Variants in MED14 observed in about 807,000 individuals in gnomAD.
The protein encoded by MED14 is mediator complex subunit 14.
MED14 carries 8 observed loss-of-function variants against 109.0 expected under a neutral mutation model. That is an observed-to-expected ratio of 0.07 (90% CI 0.04 to 0.13). The LOEUF (loss-of-function observed/expected upper bound fraction) is 0.13. Among genes scored for constraint, MED14 ranks in the 10% least tolerant of loss-of-function variants. MED14 has a pLI of 1.00. For missense variants in MED14, 711 were observed against 1,142.4 expected (o/e 0.62, Z 5.44); for synonymous variants, 399 against 408.7 (o/e 0.98, Z 0.29).
intron 16 of MED14, among the ~76,000 whole-genome samples, chrX:40,683,970 C>T (rs891860626): frequency 9.0e-6 from 1 of 111,696 alleles, no homozygotes; most frequent in African/African-American, 3.3e-5. Context: ...TTTAGCTATT[C>T]ATGAGTTATT....
At chrX:40,734,578 C>T (rs1932186938) in intron 1 of MED14, among the ~76,000 whole-genome samples, 1 of 112,316 alleles carries the variant, frequency 8.9e-6, no homozygotes, top group Non-Finnish European at 1.9e-5. Context: ...TATTCTGATC[C>T]TATTCTGAAG....
chrX:40,656,528 C>G (rs1036213549), intron 28 of MED14, among the ~76,000 whole-genome samples: 1 of 112,192 alleles, frequency 8.9e-6, no homozygotes, highest in African/African-American at 3.2e-5. Flanking sequence ...TTGGCAAAAT[C>G]TACCAAAATT....
At chrX:40,714,425 A>G (rs1931444368) in intron 4 of MED14, 112 bp downstream of exon 4, 2 of 845,436 alleles carry the variant, frequency 2.4e-6, no homozygotes, top group African/African-American at 2.1e-5. Flanking sequence ...AAAGCAAACT[A>G]TATGTACTGT....
chrX:40,671,852 A>G lies in MED14; in HGVS notation c.3133+9T>C. The G allele has an allele frequency of 8.9e-7, 1 of 1,128,227 alleles. No homozygotes were observed. The highest frequency in any genetic ancestry group is 1.2e-6 in the Non-Finnish European group (1 of 830,390). The allele number at this position is 1,128,227 out of a possible 1,213,427, so 93.0% of individuals were successfully genotyped here. ...GTTGAACATGACAAGAGAATAAGTAATATCTTACCTGGAGACTGTGTGTGC... is the reference window on the plus strand; with the variant it reads ...GTTGAACATGACAAGAGAATAAGTAGTATCTTACCTGGAGACTGTGTGTGC... On this transcript the variant is annotated intron_variant, in intron 23 of 30. Coordinates refer to ENST00000324817, the MANE Select transcript of MED14 (RefSeq NM_004229.4).
chrX:40,712,820 T>A, intron 6 of MED14, 94 bp downstream of exon 6: 1 of 899,132 alleles, frequency 1.1e-6, no homozygotes, highest in Admixed American at 3.4e-5. Context: ...ATTACAAGCA[T>A]GAGCCATCAT....
chrX:40,721,817 T>C (rs979890803), intron 3 of MED14, among the ~76,000 whole-genome samples: 5 of 112,744 alleles, frequency 4.4e-5, no homozygotes, highest in Non-Finnish European at 9.4e-5. Flanking sequence ...AGCAAGACTT[T>C]GTTTGTTTGG....
rs756711785 is a variant in MED14, at chrX:40,735,316, G to A, written c.97C>T (p.Pro33Ser). Reference protein sequence around the residue: ...GPPSAPAPPPPGAAVAAAAAA... With the variant: ...GPPSAPAPPPSGAAVAAAAAA... ...GCGGCCGCCGCCACGGCGGCTCCCG[G>A]GGGAGGAGGGGCTGGGGCTGACGGG... The change falls in exon 1 of 31, where the codon CCG (proline) becomes TCG (serine). Residue 33 changes from proline (P) to serine (S), a missense_variant. Physicochemically the swap from Pro to Ser is moderately conservative, Grantham distance 74 (BLOSUM62 -1). Around this residue, in one of 8 missense-constraint regions of MED14, gnomAD observed 62 missense variants for 55.2 expected, o/e 1.12. Coordinates refer to ENST00000324817, the MANE Select transcript of MED14 (RefSeq NM_004229.4). 132 of 1,122,511 alleles carry A rather than the reference G, an allele frequency of 1.2e-4. No individual in the cohort carries two copies. In the Admixed American group the frequency reaches 3.6e-3, roughly 31 times the overall value. The allele number at this position is 1,122,511 out of a possible 1,213,427, so 92.5% of individuals were successfully genotyped here. A position where few individuals can be genotyped will look rare whatever the true frequency, so the allele number is the denominator to read the frequency against.
At chrX:40,700,871 T>G (rs146118459) in intron 12 of MED14, among the ~76,000 whole-genome samples, 1,722 of 111,896 alleles carry the variant, frequency 0.015, 31 homozygotes, top group African/African-American at 0.053. Flanking sequence ...TACAATAAAA[T>G]TCATTGTGTA....
At chrX:40,732,374 C>G (rs1343430012) in intron 1 of MED14, among the ~76,000 whole-genome samples, 1 of 111,658 alleles carries the variant, frequency 9.0e-6, no homozygotes, top group Non-Finnish European at 1.9e-5. Flanking sequence ...CAAAAATTAA[C>G]CAGGTGTGGT....
rs949282912 is a variant in MED14 at position 40,649,206 on chromosome X, T to C, written c.*2600A>G. 5 of 112,964 alleles carry C rather than the reference T, an allele frequency of 4.4e-5. No individual in the cohort carries two copies. Among genetic ancestry groups the C allele is most frequent in the African/African-American group, 1.6e-4 (5 of 30,814 alleles). The allele number at this position is 112,964 out of a possible 1,213,427, so 9.3% of individuals were successfully genotyped here. A position where few individuals can be genotyped will look rare whatever the true frequency, so the allele number is the denominator to read the frequency against. On this transcript the variant is annotated 3_prime_UTR_variant, in exon 31 of 31. Transcript: ENST00000324817. ...TCCAAAGAATGGCTGTTAGTATCCT[T>C]TGGCTGAACAGATTACTGTGTTAAT...
intron 15 of MED14, among the ~76,000 whole-genome samples, chrX:40,690,811 T>C (rs1930473762): frequency 8.9e-6 from 1 of 112,299 alleles, no homozygotes; most frequent in Non-Finnish European, 1.9e-5. Flanking sequence ...CAACAGCAGA[T>C]TTGAGTAGCT....
chrX:40,734,301 A>G (rs751368804), intron 1 of MED14, among the ~76,000 whole-genome samples: 1 of 112,207 alleles, frequency 8.9e-6, no homozygotes, highest in East Asian at 2.8e-4. Context: ...ACTGAGAATG[A>G]CGTTTTACAG....
At position 40,710,056 on chromosome X, in the gene MED14, C is replaced by T. The variant is rs1384900410; in HGVS notation, c.1096G>A (p.Val366Ile). 8.5e-6 allele frequency: 10 copies of T among 1,174,038 alleles called. No individual in the cohort carries two copies. Among genetic ancestry groups the T allele is most frequent in the South Asian group, 1.9e-5 (1 of 53,416 alleles). The change falls in exon 9 of 31, where the codon GTC (valine) becomes ATC (isoleucine). Residue 366 changes from valine to isoleucine, a missense_variant. Coordinates refer to ENST00000324817, the MANE Select transcript of MED14 (RefSeq NM_004229.4). ...TGAAAAATCTGTAAAGGCTTGGAGA[C>T]ATCATTCTCATCAATTTTAATTGTA... The part of the protein sequence containing the change: ...KVTIKIDEND[V>I]SKPLQIFHDP...
intron 10 of MED14, among the ~76,000 whole-genome samples, chrX:40,708,428 A>G (rs766139236): frequency 7.1e-5 from 8 of 112,036 alleles, no homozygotes; most frequent in Non-Finnish European, 1.3e-4. Flanking sequence ...ATTTTAATCC[A>G]GAGTTACTAG....
rs753298781 is a variant in MED14 at position 40,730,001 on chromosome X, G to A, written c.216-656C>T. Among the ~76,000 whole-genome samples the A allele has an allele frequency of 2.7e-5, 3 of 111,979 alleles. No individual in the cohort carries two copies. In the Admixed American group the frequency reaches 2.8e-4, roughly 11 times the overall value. ...TAACATTCACATCCACTGATGCCTA[G>A]AAAGATCCTTAATGCCTCCTGAATT... On this transcript the variant is annotated intron_variant, in intron 1 of 30. Transcript: ENST00000324817.
rs1928828280 is a variant in MED14, at chrX:40,650,528, T to C, written c.*1278A>G. 2.7e-6 allele frequency: 2 copies of C among 754,106 alleles called. No homozygotes were observed. The highest frequency in any genetic ancestry group is 3.1e-6 in the Non-Finnish European group (2 of 639,277). 62.1% of individuals were successfully genotyped at this position (754,106 alleles called of 1,213,427 possible). A position where few individuals can be genotyped will look rare whatever the true frequency, so the allele number is the denominator to read the frequency against. ...ACTTAAAAATTTTTCCTAAATACCA[T>C]GAAGTCGGTAGAAGACCTTTGCATC... is the stretch of plus-strand genomic sequence containing the variant. On this transcript the variant is annotated 3_prime_UTR_variant, in exon 31 of 31. Transcript: ENST00000324817.
chrX:40,735,281 C>G lies in MED14; in HGVS notation c.132G>C (p.Ala44=). ...TGCTCAGCCGGTAGCCCGGGCTAGCCGCAGCTGCAGCGGCCGCCGCCACGG... is the reference window on the plus strand; with the variant it reads ...TGCTCAGCCGGTAGCCCGGGCTAGCGGCAGCTGCAGCGGCCGCCGCCACGG... The part of the protein sequence containing the change: ...GAAVAAAAAA[A]ASPGYRLSTL... Residue 44 remains alanine, a synonymous_variant, in exon 1 of 31, where the codon GCG becomes GCC. Coordinates refer to ENST00000324817, the MANE Select transcript of MED14 (RefSeq NM_004229.4). 8.8e-7 allele frequency: 1 copy of G among 1,138,857 alleles called. No individual in the cohort carries two copies. Among genetic ancestry groups the G allele is most frequent in the Non-Finnish European group, 1.2e-6 (1 of 860,243 alleles). 93.9% of individuals were successfully genotyped at this position (1,138,857 alleles called of 1,213,427 possible).
intron 7 of MED14, 79 bp from the exon 8 acceptor site, chrX:40,711,380 T>C (rs1931331410): frequency 1.2e-6 from 1 of 834,084 alleles, no homozygotes; most frequent in Non-Finnish European, 1.6e-6. Flanking sequence ...TTAAGGAAGG[T>C]TCTCTTATTG....
chrX:40,706,675 C>A (rs1437685649), intron 10 of MED14, among the ~76,000 whole-genome samples: 2 of 112,011 alleles, frequency 1.8e-5, no homozygotes, highest in Non-Finnish European at 3.8e-5. Flanking sequence ...CTTTAGAAAT[C>A]TTCAGAACCT....
Sources: gnomAD v4.1 joint callset for allele counts (sites outside exome capture counted in the v4.1 genomes callset) on GRCh38, gnomAD v4.1.1 for gene constraint, gnomAD v4.1.1 regional missense constraint, MANE v1.5 for transcripts, NCBI Gene and HGNC (gene_info 2026-07-23, HGNC 2026-07-21) for gene names.